Variants in PARD3 observed in about 807,000 individuals in gnomAD.
The protein encoded by PARD3 is par-3 family cell polarity regulator.
Under a neutral mutation model 155.4 loss-of-function variants are expected in PARD3, and 75 were observed. The ratio of observed to expected loss-of-function variants is 0.48; its 90% confidence interval spans 0.40 to 0.58. PARD3 has a LOEUF of 0.58. Ranked by LOEUF, PARD3 falls within the 20% of genes least tolerant of loss-of-function variation. The pLI, the probability that PARD3 is intolerant of heterozygous loss-of-function variation, is 0.00. For missense variants in PARD3, 1,642 were observed against 1,721.7 expected (o/e 0.95, Z 0.82); for synonymous variants, 576 against 610.5 (o/e 0.94, Z 0.83).
At chr10:34,330,921 C>T (rs1324260152) in intron 19 of PARD3, among the ~76,000 whole-genome samples, 196 bp downstream of exon 19, 1 of 151,986 alleles carries the variant, frequency 6.6e-6, no homozygotes, top group Non-Finnish European at 1.5e-5. Flanking sequence ...CTCCAAAAAA[C>T]CCCAGTGTAT....
chr10:34,283,739 A>G (rs961092833), intron 21 of PARD3, among the ~76,000 whole-genome samples: 1 of 152,076 alleles, frequency 6.6e-6, no homozygotes, highest in Non-Finnish European at 1.5e-5. Flanking sequence ...AAAACTTCGG[A>G]GTTTTATTTT....
At position 34,730,064 on chromosome 10, in the gene PARD3, CAATAA is replaced by C. The variant is rs368850686; in HGVS notation, c.121-33650_121-33646del. Among the ~76,000 whole-genome samples the C allele has an allele frequency of 4.0e-3, 612 of 152,038 alleles. 2 individuals carry two copies. The highest frequency in any genetic ancestry group is 0.014 in the African/African-American group (568 of 41,446). On this transcript the variant is annotated intron_variant, in intron 1 of 24. Transcript: ENST00000374788. ...ATTTTAGTGTGTTTCTTAAAATGCTCAATAAAATAAAATAATGTCTCAGGGCTATA... is the reference window on the plus strand; with the variant it reads ...ATTTTAGTGTGTTTCTTAAAATGCTCAATAAAATAATGTCTCAGGGCTATA...
intron 2 of PARD3, among the ~76,000 whole-genome samples, chr10:34,535,133 T>A (rs191715536): frequency 6.6e-6 from 1 of 152,328 alleles, no homozygotes; most frequent in Non-Finnish European, 1.5e-5. Context: ...TACATAAAAC[T>A]CTGTATAAGT....
chr10:34,729,357 C>T (rs11009893), intron 1 of PARD3, among the ~76,000 whole-genome samples: 42,097 of 151,516 alleles, frequency 0.28, 7,175 homozygotes, highest in Non-Finnish European at 0.38. Context: ...ACAGTGAAAC[C>T]CCGTCTCTAC....
At chr10:34,152,316 G>T (rs1278897188) in intron 22 of PARD3, among the ~76,000 whole-genome samples, 1 of 152,172 alleles carries the variant, frequency 6.6e-6, no homozygotes, top group Non-Finnish European at 1.5e-5. Context: ...TATGATAAGA[G>T]TATACTTATA....
intron 24 of PARD3, among the ~76,000 whole-genome samples, chr10:34,112,112 T>C (rs1277877594): frequency 3.3e-5 from 5 of 152,212 alleles, no homozygotes; most frequent in Admixed American, 3.3e-4. Context: ...TGATAAAAAA[T>C]GCAACAGGCA....
chr10:34,207,672 C>T (rs1395527389), intron 22 of PARD3, among the ~76,000 whole-genome samples: 1 of 152,180 alleles, frequency 6.6e-6, no homozygotes, highest in African/African-American at 2.4e-5. Flanking sequence ...TTACAAATCC[C>T]CAAAACCGCC....
At chr10:34,268,482 T>C (rs1457714187) in intron 22 of PARD3, among the ~76,000 whole-genome samples, 1 of 119,276 alleles carries the variant, frequency 8.4e-6, no homozygotes, top group Non-Finnish European at 1.7e-5. Flanking sequence ...ATGCACACTA[T>C]GTTTATTGCG....
chr10:34,778,040 G>A lies in PARD3; in HGVS notation c.120+36836C>T, dbSNP rs563161242. Among the ~76,000 whole-genome samples the A allele has an allele frequency of 7.3e-4, 111 of 152,254 alleles. No individual in the cohort carries two copies. The South Asian group carries it at 0.019, about 26-fold the overall frequency. On this transcript the variant is annotated intron_variant, in intron 1 of 24. Transcript: ENST00000374788. Reference sequence around the variant, plus strand: ...GAGGTACCACTGTCCCTCCATATCCGTAATGGATTAGTTACAGGATCCCTG... The same window carrying A: ...GAGGTACCACTGTCCCTCCATATCCATAATGGATTAGTTACAGGATCCCTG...
chr10:34,215,257 T>G (rs554394582), intron 22 of PARD3, among the ~76,000 whole-genome samples: 49 of 152,324 alleles, frequency 3.2e-4, no homozygotes, highest in Middle Eastern at 3.4e-3. Context: ...GTTAGTAAAC[T>G]GTGCCCAGAC....
intron 23 of PARD3, among the ~76,000 whole-genome samples, chr10:34,126,320 T>C (rs1947288102): frequency 1.3e-5 from 2 of 152,212 alleles, no homozygotes. Flanking sequence ...ATTTTCAAAA[T>C]AGGTAGATTG....
chr10:34,600,490 G>A (rs1425882405), intron 2 of PARD3, among the ~76,000 whole-genome samples: 4 of 152,122 alleles, frequency 2.6e-5, no homozygotes, highest in Non-Finnish European at 5.9e-5. Flanking sequence ...GGGAGGATGT[G>A]AAAAAACAGC....
At chr10:34,430,282 C>G (rs958599403) in intron 5 of PARD3, among the ~76,000 whole-genome samples, 3 of 152,120 alleles carry the variant, frequency 2.0e-5, no homozygotes, top group African/African-American at 7.2e-5. Flanking sequence ...TAATACTGAT[C>G]ATACACTCCA....
intron 22 of PARD3, among the ~76,000 whole-genome samples, chr10:34,257,924 G>A (rs747108782): frequency 1.3e-5 from 2 of 152,116 alleles, no homozygotes; most frequent in Non-Finnish European, 2.9e-5. Context: ...AACTATATTA[G>A]AATAGCTTAA....
chr10:34,808,223 A>AG (rs1370887491), intron 1 of PARD3, among the ~76,000 whole-genome samples: 4 of 152,140 alleles, frequency 2.6e-5, no homozygotes, highest in African/African-American at 7.2e-5. Context: ...CTGAGGCAGG[A>AG]GGATCGCTTG....
At chr10:34,239,573 G>A (rs761565715) in intron 22 of PARD3, among the ~76,000 whole-genome samples, 14 of 152,146 alleles carry the variant, frequency 9.2e-5, no homozygotes, top group Non-Finnish European at 1.8e-4. Context: ...AGGCCGAGGC[G>A]GGTGGATCAC....
intron 1 of PARD3, among the ~76,000 whole-genome samples, chr10:34,702,140 G>A (rs570124895): frequency 1.3e-5 from 2 of 151,776 alleles, no homozygotes; most frequent in Non-Finnish European, 2.9e-5. Flanking sequence ...ACTCCAGCCT[G>A]GGCAACAGCA....
chr10:34,142,453 T>G (rs1179799988), intron 22 of PARD3, among the ~76,000 whole-genome samples: 1 of 151,734 alleles, frequency 6.6e-6, no homozygotes, highest in Non-Finnish European at 1.5e-5. Flanking sequence ...GAGAATTGCT[T>G]GAGCCCAGGA....
At chr10:34,300,551 A>T (rs1957098640) in intron 20 of PARD3, among the ~76,000 whole-genome samples, 1 of 151,976 alleles carries the variant, frequency 6.6e-6, no homozygotes, top group Non-Finnish European at 1.5e-5. Context: ...TGGGAGGCTG[A>T]GGCAGGAGGC....
Sources: gnomAD v4.1 joint callset for allele counts (sites outside exome capture counted in the v4.1 genomes callset) on GRCh38, gnomAD v4.1.1 for gene constraint, MANE v1.5 for transcripts, NCBI Gene and HGNC (gene_info 2026-07-23, HGNC 2026-07-21) for gene names.